Variants in ITGA9 observed in about 807,000 individuals in gnomAD.
ITGA9 encodes integrin subunit alpha 9, also known as integrin alpha-9.
ITGA9 carries 56 observed loss-of-function variants against 127.8 expected under a neutral mutation model. That is an observed-to-expected ratio of 0.44 (90% CI 0.35 to 0.55). The LOEUF (loss-of-function observed/expected upper bound fraction) is 0.55. Among genes scored for constraint, ITGA9 ranks in the 20% least tolerant of loss-of-function variants. ITGA9 has a pLI of 0.00. For synonymous variants in ITGA9, 508 were observed against 514.5 expected (o/e 0.99, Z 0.17); for missense variants, 1,196 against 1,347.1 (o/e 0.89, Z 1.76).
chr3:37,753,876 C>T (rs1421784708), intron 23 of ITGA9: 2 of 152,288 alleles, frequency 1.3e-5, no homozygotes, highest in South Asian at 2.1e-4. Context: ...TAGCTACTGA[C>T]CTCCCTAGCT....
chr3:37,785,062 A>T lies in ITGA9; in HGVS notation c.2873A>T (p.Asn958Ile), dbSNP rs747194933. The change falls in exon 26 of 28, where the codon AAC becomes ATC. Residue 958 changes from asparagine to isoleucine, a missense_variant. By Grantham distance (149) the Asn-to-Ile change is moderately radical. Coordinates refer to ENST00000264741, the MANE Select transcript of ITGA9 (RefSeq NM_002207.3). ...ALRVVEIAHG[N>I]PEEVTVVFEA... Reference sequence around the variant, plus strand: ...AGGGTGGTGGAAATAGCTCATGGGAACCCAGAAGAGGTGACGGTGAGTCAG... The same window carrying T: ...AGGGTGGTGGAAATAGCTCATGGGATCCCAGAAGAGGTGACGGTGAGTCAG... The T allele has an allele frequency of 5.6e-6, 9 of 1,613,632 alleles. No individual in the cohort carries two copies. In the South Asian group the frequency reaches 9.9e-5, roughly 18 times the overall value.
intron 18 of ITGA9, among the ~76,000 whole-genome samples, chr3:37,718,227 G>T (rs1575206847): frequency 6.6e-6 from 1 of 152,370 alleles, no homozygotes; most frequent in Admixed American, 6.5e-5. Flanking sequence ...GAATTATTGT[G>T]TAGAAGCTGT....
rs1219393097 is a variant in ITGA9 at position 37,597,655 on chromosome 3, A to G, written c.1690-31532A>G. 6.6e-6 allele frequency among the ~76,000 whole-genome samples: 1 copy of G among 152,234 alleles called. No individual in the cohort carries two copies. Among genetic ancestry groups the G allele is most frequent in the Non-Finnish European group, 1.5e-5 (1 of 68,046 alleles). The stretch of plus-strand genomic sequence containing the variant: ...GTTTTAAATAAGGTATATAGTGAGA[A>G]AAGTGAGCATTGGAGTCTATTTCAG... On this transcript the variant is annotated intron_variant, in intron 15 of 27. Transcript: ENST00000264741. This position sits in a 1 kb window ranked among gnomAD's most constrained non-coding sequence, Gnocchi z 4.6.
chr3:37,779,914 C>A lies in ITGA9; in HGVS notation c.2680C>A (p.Pro894Thr). The A allele has an allele frequency of 6.2e-7, 1 of 1,613,964 alleles. No individual in the cohort carries two copies. The highest frequency in any genetic ancestry group is 8.5e-7 in the Non-Finnish European group (1 of 1,179,888). Residue 894 changes from proline (P) to threonine (T), a missense_variant, in exon 25 of 28, where the codon CCA (proline) becomes ACA (threonine). Coordinates refer to ENST00000264741, the MANE Select transcript of ITGA9 (RefSeq NM_002207.3). ...SGRKVLDCEK[P>T]GISCLTAHCN... ...CTTTTCTTCTCAGGACTGTGAAAAA[C>A]CAGGAATTTCTTGCCTAACAGCACA... is the stretch of plus-strand genomic sequence containing the variant.
chr3:37,530,374 A>G (rs915631), intron 13 of ITGA9, among the ~76,000 whole-genome samples: 31,281 of 152,146 alleles, frequency 0.21, 4,474 homozygotes, highest in African/African-American at 0.41. Context: ...ACATAGATAT[A>G]TATTGCCCAT....
intron 15 of ITGA9, among the ~76,000 whole-genome samples, chr3:37,598,028 A>C (rs1699884922): frequency 6.6e-6 from 1 of 152,254 alleles, no homozygotes; most frequent in South Asian, 2.1e-4. Context: ...CCCTATTTGC[A>C]ACAGTCACTA....
intron 15 of ITGA9, among the ~76,000 whole-genome samples, chr3:37,623,430 T>G (rs533002370): frequency 3.9e-5 from 6 of 152,276 alleles, no homozygotes; most frequent in African/African-American, 1.4e-4. Flanking sequence ...TGCTTCACTT[T>G]CAGTTTCATA....
intron 16 of ITGA9, among the ~76,000 whole-genome samples, chr3:37,630,200 T>C (rs543224502): frequency 9.2e-4 from 140 of 152,300 alleles, no homozygotes; most frequent in Non-Finnish European, 1.6e-3. Context: ...AGTTGTAGAC[T>C]GAACCACAGA....
chr3:37,505,276 T>G (rs1267779167), intron 6 of ITGA9, among the ~76,000 whole-genome samples: 1 of 152,238 alleles, frequency 6.6e-6, no homozygotes, highest in Non-Finnish European at 1.5e-5. Context: ...CATGCCTTCT[T>G]CATAAAGTTT....
At chr3:37,687,963 C>G (rs912070859) in intron 18 of ITGA9, among the ~76,000 whole-genome samples, 1 of 152,244 alleles carries the variant, frequency 6.6e-6, no homozygotes, top group Non-Finnish European at 1.5e-5. Context: ...TTGTCTTCCT[C>G]AGACCCTCCA....
chr3:37,784,904 T>G, intron 25 of ITGA9, 73 bp from the exon 26 acceptor site: 1 of 1,253,138 alleles, frequency 8.0e-7, no homozygotes, highest in Non-Finnish European at 1.2e-6. Flanking sequence ...ATTTCAGTTC[T>G]GCCCAGTCCC....
At chr3:37,760,464 T>C (rs1559590645) in intron 23 of ITGA9, among the ~76,000 whole-genome samples, 1 of 152,126 alleles carries the variant, frequency 6.6e-6, no homozygotes, top group Non-Finnish European at 1.5e-5. Flanking sequence ...GTGTGCTTTG[T>C]GGGACACCAC....
intron 18 of ITGA9, among the ~76,000 whole-genome samples, chr3:37,708,784 G>A (rs935015043): frequency 2.0e-5 from 3 of 152,122 alleles, no homozygotes; most frequent in African/African-American, 4.8e-5. Flanking sequence ...TCTAAGTGGT[G>A]GAGCCTAGGT....
At chr3:37,482,037 GC>G (rs1698561427) in intron 4 of ITGA9, among the ~76,000 whole-genome samples, 1 of 152,202 alleles carries the variant, frequency 6.6e-6, no homozygotes, top group Admixed American at 6.5e-5. Context: ...GATCTCTACA[GC>G]CCCAGGCAGC....
rs754317785 is a variant in ITGA9 at position 37,785,034 on chromosome 3, C to T, written c.2845C>T (p.Leu949=). 9.9e-6 allele frequency: 16 copies of T among 1,614,120 alleles called. No individual in the cohort carries two copies. The highest frequency in any genetic ancestry group is 1.1e-5 in the South Asian group (1 of 91,078). Residue 949 remains leucine, a synonymous_variant, in exon 26 of 28, where the codon CTA becomes TTA. Coordinates refer to ENST00000264741, the MANE Select transcript of ITGA9 (RefSeq NM_002207.3). ...SRAKVKVDPA[L]RVVEIAHGNP... is the part of the protein sequence containing the mutation. ...CGCCAAGGTGAAGGTGGATCCTGCC[C>T]TAAGGGTGGTGGAAATAGCTCATGG...
intron 23 of ITGA9, among the ~76,000 whole-genome samples, chr3:37,762,783 T>C (rs1324693101): frequency 6.6e-6 from 1 of 152,210 alleles, no homozygotes; most frequent in East Asian, 1.9e-4. Context: ...CATCCTTTTG[T>C]CTGGGTGCGT....
intron 15 of ITGA9, among the ~76,000 whole-genome samples, chr3:37,613,102 A>G (rs1042429752): frequency 1.3e-5 from 2 of 151,452 alleles, no homozygotes; most frequent in Admixed American, 6.6e-5. Flanking sequence ...TCCTAATGCT[A>G]TCCCTCCCCC....
At chr3:37,508,697 A>G in intron 8 of ITGA9, 70 bp downstream of exon 8, 1 of 1,375,108 alleles carries the variant, frequency 7.3e-7, no homozygotes, top group Non-Finnish European at 1.0e-6. Flanking sequence ...AGTACTTTTT[A>G]GAAAATTGGT....
At chr3:37,571,185 C>A (rs2844364) in intron 15 of ITGA9, among the ~76,000 whole-genome samples, 87,442 of 151,924 alleles carry the variant, frequency 0.58, 25,743 homozygotes, top group East Asian at 0.75. Context: ...TAGGGTCCAA[C>A]TCAGGGCAGG....
Sources: gnomAD v4.1 joint callset for allele counts (sites outside exome capture counted in the v4.1 genomes callset) on GRCh38, gnomAD v4.1.1 for gene constraint, Gnocchi (gnomAD v3.1) non-coding constraint, MANE v1.5 for transcripts, NCBI Gene and HGNC (gene_info 2026-07-23, HGNC 2026-07-21) for gene names.